NECTIN3: variants seen among roughly 807,000 people sequenced by gnomAD.
NECTIN3 encodes the protein nectin-3.
Under a neutral mutation model 49.4 loss-of-function variants are expected in NECTIN3, and 8 were observed. That is an observed-to-expected ratio of 0.16 (90% CI 0.10 to 0.29). NECTIN3 has a LOEUF of 0.29. Ranked by LOEUF, NECTIN3 falls within the 10% of genes least tolerant of loss-of-function variation. The pLI is 1.00. For missense variants in NECTIN3, 581 were observed against 654.6 expected, an observed-to-expected ratio of 0.89 and a Z score of 1.23; for synonymous variants, 277 against 241.1, an observed-to-expected ratio of 1.15 and a Z score of -1.38.
intron 1 of NECTIN3, among the ~76,000 whole-genome samples, chr3:111,081,113 C>CAATAAATA (rs751404562): frequency 6.6e-6 from 1 of 151,892 alleles, no homozygotes; most frequent in Non-Finnish European, 1.5e-5. Context: ...TCGTCTCTGC[C>CAATAAATA]AATAAATAAA....
chr3:111,187,977 A>C (rs1300348257), upstream of NECTIN3, among the ~76,000 whole-genome samples: 1 of 152,216 alleles, frequency 6.6e-6, no homozygotes, highest in Non-Finnish European at 1.5e-5. Context: ...ACTGGTAACA[A>C]ATGTGCCACT....
intron 5 of NECTIN3, among the ~76,000 whole-genome samples, chr3:111,144,066 T>C (rs2034815064): frequency 6.6e-6 from 1 of 152,104 alleles, no homozygotes. Flanking sequence ...CCTTAATACT[T>C]AACATTTGAA....
At chr3:111,098,535 C>T (rs2032721599) in intron 1 of NECTIN3, among the ~76,000 whole-genome samples, 1 of 152,192 alleles carries the variant, frequency 6.6e-6, no homozygotes, top group South Asian at 2.1e-4. Flanking sequence ...TCTCATCTCT[C>T]TGACCTCACT....
intron 1 of NECTIN3, among the ~76,000 whole-genome samples, chr3:111,109,512 G>T (rs2033363900): frequency 6.6e-6 from 1 of 151,606 alleles, no homozygotes; most frequent in Non-Finnish European, 1.5e-5. Context: ...GTCCATCTAG[G>T]GTTTTTTTTT....
chr3:111,114,426 A>G (rs1215019634), intron 2 of NECTIN3, among the ~76,000 whole-genome samples: 2 of 151,940 alleles, frequency 1.3e-5, no homozygotes, highest in Non-Finnish European at 2.9e-5. Context: ...ACATATCTTT[A>G]TTGTAGCAGT....
At chr3:111,078,348 G>GT (rs1211645223) in intron 1 of NECTIN3, among the ~76,000 whole-genome samples, 79 of 152,062 alleles carry the variant, frequency 5.2e-4, no homozygotes, top group African/African-American at 1.8e-3. Flanking sequence ...ATGCAATTCT[G>GT]TTTTCATTTT....
intron 2 of NECTIN3, among the ~76,000 whole-genome samples, chr3:111,115,898 A>G (rs916571540): frequency 6.6e-6 from 1 of 151,902 alleles, no homozygotes; most frequent in Admixed American, 6.6e-5. Flanking sequence ...AAAGTTTGTG[A>G]TTAAATTCTG....
In NECTIN3 at chr3:111,153,048, G is replaced by A. The variant is rs188039266; in HGVS notation, c.1221+5564G>A. Among the ~76,000 whole-genome samples, 6 of 151,990 alleles carry A rather than the reference G, an allele frequency of 3.9e-5. No homozygotes were observed. In the East Asian group the frequency reaches 1.2e-3, roughly 29 times the overall value. ...TCTTTGGGATTAGGGAAGGGAGAGAGGAATATGATAGAAGAGTTAACATTT... is the reference window on the plus strand; with the variant it reads ...TCTTTGGGATTAGGGAAGGGAGAGAAGAATATGATAGAAGAGTTAACATTT... On this transcript the variant is annotated intron_variant, in intron 7 of 8. Coordinates refer to the NECTIN3 transcript ENST00000493615.
chr3:111,167,381 A>G (rs527701716), intron 7 of NECTIN3, among the ~76,000 whole-genome samples: 2 of 152,188 alleles, frequency 1.3e-5, no homozygotes, highest in Admixed American at 6.5e-5. Flanking sequence ...CTGAAACAAC[A>G]TGCAATTTAT....
intron 1 of NECTIN3, among the ~76,000 whole-genome samples, chr3:111,106,438 A>G (rs1033993544): frequency 6.6e-6 from 1 of 152,198 alleles, no homozygotes; most frequent in African/African-American, 2.4e-5. Flanking sequence ...ATTTGTTTGC[A>G]GTTTATAGTG....
intron 7 of NECTIN3, among the ~76,000 whole-genome samples, chr3:111,182,154 ATTAT>A (rs750191672): frequency 4.6e-5 from 7 of 152,024 alleles, no homozygotes; most frequent in East Asian, 1.9e-4. Flanking sequence ...AAATGTTTTA[ATTAT>A]TTATTTTTCG....
At chr3:111,114,003 T>C (rs1337282683) in intron 2 of NECTIN3, among the ~76,000 whole-genome samples, 2 of 151,806 alleles carry the variant, frequency 1.3e-5, no homozygotes, top group East Asian at 3.9e-4. Context: ...AATAAATAAA[T>C]AAATAACAAG....
At chr3:111,175,437 GA>G (rs2035510419) in intron 7 of NECTIN3, among the ~76,000 whole-genome samples, 1 of 151,704 alleles carries the variant, frequency 6.6e-6, no homozygotes, top group South Asian at 2.1e-4. Context: ...TAAAAGCATA[GA>G]AAGGCCTCCC....
In NECTIN3 at chr3:111,133,620, T is replaced by C. The variant is rs751141178; in HGVS notation, c.1070-15T>C. On this transcript the variant is annotated splice_polypyrimidine_tract_variant and intron_variant, in intron 5 of 5. Coordinates refer to ENST00000485303, the MANE Select transcript of NECTIN3 (RefSeq NM_015480.3). The stretch of plus-strand genomic sequence containing the variant: ...TGCCTTTCTGTGTCTTCTCTATCTT[T>C]ACTGTTTCCATTAGATCCTCCTACT... 17 of 1,604,870 alleles carry C rather than the reference T, an allele frequency of 1.1e-5. No individual in the cohort carries two copies. Among genetic ancestry groups the C allele is most frequent in the Middle Eastern group, 1.7e-4 (1 of 6,032 alleles).
At chr3:111,178,106 T>G (rs2035563751) in intron 7 of NECTIN3, among the ~76,000 whole-genome samples, 3 of 152,194 alleles carry the variant, frequency 2.0e-5, no homozygotes, top group Admixed American at 1.3e-4. Flanking sequence ...AGTAATGAAA[T>G]TTATTTACCA....
chr3:111,175,530 G>A (rs2035512039), intron 7 of NECTIN3, among the ~76,000 whole-genome samples: 1 of 152,000 alleles, frequency 6.6e-6, no homozygotes, highest in Non-Finnish European at 1.5e-5. Flanking sequence ...ATTCCTGGAG[G>A]ACAGGGCCCA....
At chr3:111,143,579 G>T (rs569495184) in intron 5 of NECTIN3, among the ~76,000 whole-genome samples, 6 of 152,006 alleles carry the variant, frequency 3.9e-5, no homozygotes, top group African/African-American at 1.4e-4. Flanking sequence ...TACTATCATG[G>T]TAAGTAGATG....
At chr3:111,146,744 A>G (rs948752964) in intron 6 of NECTIN3, among the ~76,000 whole-genome samples, 8 of 152,186 alleles carry the variant, frequency 5.3e-5, no homozygotes, top group Non-Finnish European at 1.0e-4. Flanking sequence ...GCATGAGACT[A>G]TATTTATAAA....
intron 7 of NECTIN3, among the ~76,000 whole-genome samples, chr3:111,172,688 C>T (rs1245866935): frequency 6.6e-6 from 1 of 152,148 alleles, no homozygotes; most frequent in East Asian, 1.9e-4. Flanking sequence ...ATAGAATTCT[C>T]CACCCACAAA....
Sources: gnomAD v4.1 joint callset for allele counts (sites outside exome capture counted in the v4.1 genomes callset) on GRCh38, gnomAD v4.1.1 for gene constraint, MANE v1.5 for transcripts, NCBI Gene and HGNC (gene_info 2026-07-23, HGNC 2026-07-21) for gene names.